The following NDEL1 variants were observed in gnomAD, a reference collection of about 807,000 sequenced individuals.
The protein encoded by NDEL1 is nudE neurodevelopment protein 1 like 1, also known as nuclear distribution protein nudE-like 1.
Under a neutral mutation model 45.7 loss-of-function variants are expected in NDEL1, and 9 were observed. That is an observed-to-expected ratio of 0.20 (90% CI 0.12 to 0.34). NDEL1 has a LOEUF of 0.34. Among genes scored for constraint, NDEL1 ranks in the 10% least tolerant of loss-of-function variants. NDEL1 has a pLI of 1.00. For missense variants in NDEL1, 306 were observed against 406.2 expected, an observed-to-expected ratio of 0.75 and a Z score of 2.12; for synonymous variants, 133 against 158.6, an observed-to-expected ratio of 0.84 and a Z score of 1.21.
At position 8,435,953 on chromosome 17, in the gene NDEL1, A is replaced by T. The variant is rs1440852757; in HGVS notation, c.-105A>T. The T allele has an allele frequency of 2.2e-6, 1 of 448,086 alleles. No homozygotes were observed. The highest frequency in any genetic ancestry group is 1.6e-5 in the South Asian group (1 of 63,894). 27.8% of individuals were successfully genotyped at this position (448,086 alleles called of 1,614,324 possible). On this transcript the variant is annotated 5_prime_UTR_variant, in exon 1 of 9. Coordinates refer to ENST00000334527, the MANE Select transcript of NDEL1 (RefSeq NM_030808.5). ...AGTGGAGCTCGGGGCTGCGTAGGGG[A>T]GCTGAGCCGAGCGGCTGGGCGGGCC...
At chr17:8,458,174 T>G (rs1293851019) in intron 7 of NDEL1, among the ~76,000 whole-genome samples, 1 of 152,156 alleles carries the variant, frequency 6.6e-6, no homozygotes, top group African/African-American at 2.4e-5. Context: ...CTGACCGTTT[T>G]TTTTTTTTAA....
chr17:8,463,262 C>T (rs762627002), intron 8 of NDEL1: 8 of 1,432,926 alleles, frequency 5.6e-6, no homozygotes, highest in South Asian at 3.5e-5. Context: ...AATTTTAGGG[C>T]GTGATGTGGA....
intron 2 of NDEL1, chr17:8,445,120 C>T (rs1040901968): frequency 6.6e-6 from 1 of 151,892 alleles, no homozygotes; most frequent in Non-Finnish European, 1.5e-5. Context: ...GTGGACTCCT[C>T]AGCATAATAT....
downstream of NDEL1, among the ~76,000 whole-genome samples, chr17:8,471,075 C>T (rs1004549749): frequency 6.6e-6 from 1 of 152,240 alleles, no homozygotes; most frequent in African/African-American, 2.4e-5. Context: ...GGTGATACAG[C>T]ATTCCTGAAA....
intron 1 of NDEL1, among the ~76,000 whole-genome samples, chr17:8,428,960 A>C (rs1045863982): frequency 1.3e-5 from 2 of 152,244 alleles, no homozygotes; most frequent in Non-Finnish European, 2.9e-5. Flanking sequence ...GGCATGAGCC[A>C]CCGCGCCCGG....
Position 8,467,118 on chromosome 17 carries a change from T to G in NDEL1, c.*95T>G. On this transcript the variant is annotated 3_prime_UTR_variant, in exon 9 of 9. Coordinates refer to ENST00000334527, the MANE Select transcript of NDEL1 (RefSeq NM_030808.5). This position sits in a 1 kb window ranked among gnomAD's most constrained non-coding sequence, Gnocchi z 6.3. ...GTGCCTGGGCCCAGCCCCGTGCCCC[T>G]CCGTCTGCCTCCGCACGGCTGGCAG... is the stretch of plus-strand genomic sequence containing the variant. The G allele has an allele frequency of 8.3e-7, 1 of 1,200,868 alleles. No individual in the cohort carries two copies. The highest frequency in any genetic ancestry group is 1.3e-5 in the South Asian group (1 of 77,244). The allele number at this position is 1,200,868 out of a possible 1,614,324, so 74.4% of individuals were successfully genotyped here.
intron 4 of NDEL1, among the ~76,000 whole-genome samples, chr17:8,447,656 C>G (rs1241465492): frequency 6.6e-6 from 1 of 152,094 alleles, no homozygotes; most frequent in Non-Finnish European, 1.5e-5. Flanking sequence ...GATTTCAGTT[C>G]AAATTTCTGA....
At chr17:8,414,068 T>G (rs897772181) in intron 1 of NDEL1, among the ~76,000 whole-genome samples, 3 of 152,366 alleles carry the variant, frequency 2.0e-5, no homozygotes, top group Admixed American at 2.0e-4. Context: ...TTTTTTTCAC[T>G]TAATAGTATC....
chr17:8,461,828 A>C (rs750568671), intron 8 of NDEL1, among the ~76,000 whole-genome samples: 1 of 152,136 alleles, frequency 6.6e-6, no homozygotes, highest in Non-Finnish European at 1.5e-5. Flanking sequence ...TTCTCCTTGG[A>C]ATCGTATTTC....
upstream of NDEL1, chr17:8,432,316 T>TTTATATATAA (rs1909020165): frequency 8.0e-6 from 1 of 125,008 alleles, no homozygotes; most frequent in African/African-American, 2.8e-5. Context: ...TATATATATA[T>TTTATATATAA]ATTTATATAT....
chr17:8,474,268 C>T (rs1428329842), intron 3 of NDEL1: 1 of 152,570 alleles, frequency 6.6e-6, no homozygotes, highest in Admixed American at 6.5e-5. Context: ...GTGCTTTTTT[C>T]TTCAAGTAAA....
intron 5 of NDEL1, among the ~76,000 whole-genome samples, 188 bp from the exon 6 acceptor site, chr17:8,450,592 A>G (rs1321644754): frequency 6.6e-6 from 1 of 152,248 alleles, no homozygotes; most frequent in East Asian, 1.9e-4. Context: ...AAATTCTAAA[A>G]GATCATTTAG....
At chr17:8,432,318 T>TATATAAATATATATATATA (rs1491329750), upstream of NDEL1, among the ~76,000 whole-genome samples, 15 of 55,556 alleles carry the variant, frequency 2.7e-4, no homozygotes, top group Non-Finnish European at 3.8e-4. Flanking sequence ...TATATATATA[T>TATATAAATATATATATATA]TTATATATAA....
chr17:8,445,705 G>C lies in NDEL1; in HGVS notation c.87-6G>C. 6.3e-7 allele frequency: 1 copy of C among 1,589,880 alleles called. No homozygotes were observed. Among genetic ancestry groups the C allele is most frequent in the Non-Finnish European group, 8.5e-7 (1 of 1,171,650 alleles). On this transcript the variant is annotated splice_polypyrimidine_tract_variant and splice_region_variant and intron_variant, in intron 2 of 8. Transcript: ENST00000334527. ...AACTCGTCTTTCCCACTTTGTTTCT[G>C]ATTAGCTTCCAGGAAGCTCGGGATG...
downstream of NDEL1, among the ~76,000 whole-genome samples, chr17:8,469,021 C>A (rs948636768): frequency 1.3e-5 from 2 of 152,072 alleles, no homozygotes; most frequent in African/African-American, 4.8e-5. Flanking sequence ...CCCACAAAAA[C>A]CCTGAGTGAA....
intron 5 of NDEL1, among the ~76,000 whole-genome samples, chr17:8,449,736 A>G (rs1317867910): frequency 6.6e-6 from 1 of 152,202 alleles, no homozygotes. Flanking sequence ...TTAAGGCTGA[A>G]TGATACTCCA....
intron 1 of NDEL1, among the ~76,000 whole-genome samples, chr17:8,425,764 C>T (rs1024171005): frequency 7.9e-5 from 12 of 151,810 alleles, no homozygotes; most frequent in Non-Finnish European, 1.6e-4. Context: ...TTACTGCTGG[C>T]ATACTCAGGG....
chr17:8,454,145 G>A (rs1297071585), intron 6 of NDEL1, among the ~76,000 whole-genome samples: 1 of 152,120 alleles, frequency 6.6e-6, no homozygotes, highest in Non-Finnish European at 1.5e-5. Context: ...AGATGGAAAA[G>A]CCAAAGGTTC....
chr17:8,413,745 T>C (rs543481012), intron 1 of NDEL1, among the ~76,000 whole-genome samples: 1 of 152,354 alleles, frequency 6.6e-6, no homozygotes, highest in Admixed American at 6.5e-5. Flanking sequence ...TGAACGTGTT[T>C]TCTCATCTAC....
Sources: gnomAD v4.1 joint callset for allele counts (sites outside exome capture counted in the v4.1 genomes callset) on GRCh38, gnomAD v4.1.1 for gene constraint, Gnocchi (gnomAD v3.1) non-coding constraint, MANE v1.5 for transcripts, NCBI Gene and HGNC (gene_info 2026-07-23, HGNC 2026-07-21) for gene names.